ADCY8: variants seen among roughly 807,000 people sequenced by gnomAD.
ADCY8 encodes adenylate cyclase type 8.
Under a neutral mutation model 119.7 loss-of-function variants are expected in ADCY8, and 51 were observed. The observed-to-expected ratio is 0.43, with a 90% confidence interval of 0.34 to 0.54. The LOEUF is 0.54. Ranked by LOEUF, ADCY8 falls within the 20% of genes least tolerant of loss-of-function variation. The probability of loss-of-function intolerance (pLI) is 0.03; values close to 1 mark genes in which losing one functional copy is unlikely to be tolerated. For synonymous variants in ADCY8, 665 were observed against 651.0 expected (o/e 1.02, Z -0.33); for missense variants, 1,383 against 1,598.8 (o/e 0.87, Z 2.30).
chr8:130,785,300 T>A, intron 16 of ADCY8, 83 bp downstream of exon 16: 1 of 889,062 alleles, frequency 1.1e-6, no homozygotes, highest in Non-Finnish European at 1.7e-6. Context: ...AGGATCTTGG[T>A]GACAGAGGCT....
chr8:130,821,376 A>G lies in ADCY8; in HGVS notation c.2720T>C (p.Met907Thr). The G allele has an allele frequency of 6.2e-7, 1 of 1,613,534 alleles. No homozygotes were observed. The highest frequency in any genetic ancestry group is 8.5e-7 in the Non-Finnish European group (1 of 1,179,562). The change falls in exon 13 of 18, where the codon ATG (methionine) becomes ACG (threonine). Residue 907 changes from methionine to threonine, a missense_variant. Coordinates refer to ENST00000286355, the MANE Select transcript of ADCY8 (RefSeq NM_001115.3). ...TKEVSLLLMAMFLLAVFYHGQ... is the reference protein window; with the variant it reads ...TKEVSLLLMATFLLAVFYHGQ... ...ATGGTAGAACACAGCCAGGAGGAAC[A>G]TGGCCATCAGTAGCAGTGATACCTC... is the stretch of plus-strand genomic sequence containing the variant.
intron 1 of ADCY8, among the ~76,000 whole-genome samples, chr8:131,020,425 G>A (rs1156798457): frequency 6.6e-6 from 1 of 152,162 alleles, no homozygotes; most frequent in Non-Finnish European, 1.5e-5. Flanking sequence ...CAGTGAGAGG[G>A]AGAATTGTTG....
intron 8 of ADCY8, among the ~76,000 whole-genome samples, chr8:130,881,928 C>A (rs866931382): frequency 1.2e-4 from 18 of 149,412 alleles, no homozygotes; most frequent in African/African-American, 4.0e-4. Context: ...AGTTTAAATT[C>A]TTGGGGAGCT....
intron 2 of ADCY8, among the ~76,000 whole-genome samples, chr8:130,985,515 A>C (rs1385305299): frequency 2.0e-5 from 3 of 152,162 alleles, no homozygotes; most frequent in African/African-American, 7.2e-5. Context: ...TAAGGAATGA[A>C]GAATAACAGA....
Position 130,943,337 on chromosome 8 carries a change from T to G in ADCY8, c.1353+14A>C. The stretch of plus-strand genomic sequence containing the variant: ...CTCCTGCAAAAGACGAGGAGGAAAT[T>G]AAATTCAACTCACATGGGCCAGTCG... On this transcript the variant is annotated intron_variant, in intron 4 of 17. Transcript: ENST00000286355. 1 of 1,594,420 alleles carries G rather than the reference T, an allele frequency of 6.3e-7. No individual in the cohort carries two copies. Among genetic ancestry groups the G allele is most frequent in the Non-Finnish European group, 8.6e-7 (1 of 1,162,674 alleles).
chr8:130,944,445 T>C (rs1362222576), intron 3 of ADCY8, among the ~76,000 whole-genome samples: 1 of 152,222 alleles, frequency 6.6e-6, no homozygotes, highest in Non-Finnish European at 1.5e-5. Context: ...TTTACATCTT[T>C]TCTTAGTGTT....
chr8:131,010,683 G>A (rs949201202), intron 1 of ADCY8, among the ~76,000 whole-genome samples: 1 of 152,236 alleles, frequency 6.6e-6, no homozygotes, highest in Non-Finnish European at 1.5e-5. Flanking sequence ...GTGAGAAGAT[G>A]AGGATCTATA....
At chr8:130,847,193 T>C (rs113102007) in intron 11 of ADCY8, among the ~76,000 whole-genome samples, 467 of 146,020 alleles carry the variant, frequency 3.2e-3, no homozygotes, top group Middle Eastern at 0.01. Context: ...GGGGTGAAGA[T>C]GAAAAAGAGG....
intron 5 of ADCY8, among the ~76,000 whole-genome samples, chr8:130,916,074 A>T (rs1820119065): frequency 6.6e-6 from 1 of 152,216 alleles, no homozygotes. Context: ...CCAGTTTACA[A>T]GTGAGAGAAC....
At chr8:130,856,578 T>C (rs1033427946) in intron 9 of ADCY8, among the ~76,000 whole-genome samples, 3 of 152,194 alleles carry the variant, frequency 2.0e-5, no homozygotes, top group Non-Finnish European at 2.9e-5. Context: ...TCATTGTCTC[T>C]TAGGTAGTCA....
chr8:130,889,374 A>G (rs961269812), intron 7 of ADCY8, among the ~76,000 whole-genome samples: 4 of 152,092 alleles, frequency 2.6e-5, no homozygotes, highest in African/African-American at 9.7e-5. Context: ...TCCTATCTCA[A>G]TACACTTTAT....
At chr8:130,930,259 T>A (rs1820593633) in intron 5 of ADCY8, among the ~76,000 whole-genome samples, 2 of 152,138 alleles carry the variant, frequency 1.3e-5, no homozygotes, top group Middle Eastern at 6.8e-3. Context: ...TTCTACATTT[T>A]TTTTTTTTTT....
intron 2 of ADCY8, among the ~76,000 whole-genome samples, chr8:130,955,355 C>A (rs2130668480): frequency 6.6e-6 from 1 of 152,180 alleles, no homozygotes; most frequent in African/African-American, 2.4e-5. Context: ...GGTTATACAG[C>A]AAAGAAGGGC....
In ADCY8 at chr8:131,038,653, C is replaced by G. The variant is rs550188447; in HGVS notation, c.960+721G>C. Among the ~76,000 whole-genome samples the G allele has an allele frequency of 3.9e-5, 6 of 152,210 alleles. No individual in the cohort carries two copies. The South Asian group carries it at 1.2e-3, about 32-fold the overall frequency. On this transcript the variant is annotated intron_variant, in intron 1 of 17. Transcript: ENST00000286355. Reference sequence around the variant, plus strand: ...CACCTAAATATAATATTTAAAGCATCTACATCAAAATGCCCTTTTCCAATT... The same window carrying G: ...CACCTAAATATAATATTTAAAGCATGTACATCAAAATGCCCTTTTCCAATT...
At chr8:131,000,642 G>A (rs1224180024) in intron 1 of ADCY8, among the ~76,000 whole-genome samples, 1 of 152,076 alleles carries the variant, frequency 6.6e-6, no homozygotes, top group African/African-American at 2.4e-5. Context: ...GTAAAGCTGA[G>A]GTGTGATCCC....
At chr8:130,814,369 CA>C (rs1294781514) in intron 13 of ADCY8, 142 bp from the exon 14 acceptor site, 1 of 896,830 alleles carries the variant, frequency 1.1e-6, no homozygotes, top group Non-Finnish European at 1.6e-6. Context: ...TTTTGGGAGG[CA>C]TTTTGTTGGA....
At chr8:130,781,020 AT>A in intron 17 of ADCY8, 143 bp from the exon 18 acceptor site, 1 of 1,082,370 alleles carries the variant, frequency 9.2e-7, no homozygotes, top group Non-Finnish European at 1.3e-6. Flanking sequence ...CCAGTCACTT[AT>A]TAGATGTATC....
chr8:131,010,160 T>C (rs1285812589), intron 1 of ADCY8, among the ~76,000 whole-genome samples: 1 of 152,228 alleles, frequency 6.6e-6, no homozygotes, highest in African/African-American at 2.4e-5. Flanking sequence ...ATATGTCCAA[T>C]TCTGAACCTC....
In ADCY8 at chr8:130,887,264, TCTC is replaced by T. The variant is rs1819022223; in HGVS notation, c.1912-2506_1912-2504del. Among the ~76,000 whole-genome samples the T allele has an allele frequency of 5.3e-5, 8 of 152,194 alleles. No individual in the cohort carries two copies. The South Asian group carries it at 1.7e-3, about 32-fold the overall frequency. The stretch of plus-strand genomic sequence containing the variant: ...TTCTGTAGGATACAGACCAATGAAA[TCTC>T]CTCCTTTCGAAACTCCCCTGCTCCT... On this transcript the variant is annotated intron_variant, in intron 7 of 17. Coordinates refer to ENST00000286355, the MANE Select transcript of ADCY8 (RefSeq NM_001115.3).
Sources: gnomAD v4.1 joint callset for allele counts (sites outside exome capture counted in the v4.1 genomes callset) on GRCh38, gnomAD v4.1.1 for gene constraint, MANE v1.5 for transcripts, NCBI Gene and HGNC (gene_info 2026-07-23, HGNC 2026-07-21) for gene names.